Variants in CDC25C observed in about 807,000 individuals in gnomAD.
CDC25C encodes M-phase inducer phosphatase 3.
Under a neutral mutation model 52.5 loss-of-function variants are expected in CDC25C, and 48 were observed. The observed-to-expected ratio is 0.91, with a 90% CI of 0.72 to 1.16. The LOEUF (loss-of-function observed/expected upper bound fraction) is 1.16. Among genes scored for constraint, CDC25C ranks in the 50% most tolerant of loss-of-function variants. CDC25C has a pLI of 0.00. For missense variants in CDC25C, 510 were observed against 566.1 expected (o/e 0.90, Z 1.01); for synonymous variants, 187 against 206.5 (o/e 0.91, Z 0.81).
intron 8 of CDC25C, 61 bp downstream of exon 8, chr5:138,291,909 C>T (rs1756751887): frequency 1.4e-6 from 2 of 1,423,604 alleles, no homozygotes; most frequent in Non-Finnish European, 9.6e-7. Flanking sequence ...AATCCTCATA[C>T]CAGAAAAGCA....
chr5:138,311,065 A>C (rs1007983062), intron 7 of CDC25C, among the ~76,000 whole-genome samples: 1 of 152,228 alleles, frequency 6.6e-6, no homozygotes, highest in Non-Finnish European at 1.5e-5. Context: ...AAGGGTGCCA[A>C]GACCATTCAA....
At chr5:138,328,396 T>C (rs1760065220) in intron 4 of CDC25C, 88 bp downstream of exon 4, 4 of 1,231,820 alleles carry the variant, frequency 3.2e-6, no homozygotes, top group Non-Finnish European at 4.8e-6. Context: ...TGAAAGGTTT[T>C]GTACTCTGCA....
At chr5:138,291,886 G>T in intron 8 of CDC25C, 84 bp downstream of exon 8, 2 of 1,080,608 alleles carry the variant, frequency 1.9e-6, no homozygotes, top group Non-Finnish European at 1.3e-6. Context: ...AGACAAAAAA[G>T]GCATAATAAA....
chr5:138,320,847 T>C (rs1175464605), intron 6 of CDC25C, among the ~76,000 whole-genome samples: 2 of 129,230 alleles, frequency 1.5e-5, no homozygotes, highest in African/African-American at 6.1e-5. Context: ...ACCTGGGAGA[T>C]AAAGGTTGCA....
intron 12 of CDC25C, 152 bp downstream of exon 12, chr5:138,286,345 G>A: frequency 1.1e-6 from 1 of 950,212 alleles, no homozygotes. Context: ...TTCCTTTATT[G>A]TTTCAAACTT....
chr5:138,313,089 G>A (rs983937412), intron 7 of CDC25C, among the ~76,000 whole-genome samples: 2 of 151,876 alleles, frequency 1.3e-5, no homozygotes, highest in Admixed American at 1.3e-4. Context: ...CAGCATTTCT[G>A]CTTGGGGGCC....
intron 6 of CDC25C, among the ~76,000 whole-genome samples, chr5:138,323,375 G>A (rs564401987): frequency 6.6e-6 from 1 of 152,236 alleles, no homozygotes; most frequent in East Asian, 1.9e-4. Flanking sequence ...ATAACTCACT[G>A]GAGCCTCAGG....
At chr5:138,285,900 G>A in intron 13 of CDC25C, 59 bp from the exon 14 acceptor site, 1 of 1,580,126 alleles carries the variant, frequency 6.3e-7, no homozygotes, top group Non-Finnish European at 8.7e-7. Flanking sequence ...ACCTATGAAG[G>A]ATAATAGAGA....
intron 6 of CDC25C, 61 bp from the exon 7 acceptor site, chr5:138,319,435 G>C (rs1759172443): frequency 7.9e-7 from 1 of 1,269,904 alleles, no homozygotes; most frequent in African/African-American, 1.5e-5. Context: ...CTAAATGTAA[G>C]AGCTAAAACT....
intron 4 of CDC25C, among the ~76,000 whole-genome samples, 164 bp downstream of exon 4, chr5:138,328,320 G>C (rs1314908900): frequency 6.6e-6 from 1 of 152,192 alleles, no homozygotes; most frequent in Non-Finnish European, 1.5e-5. Context: ...ACACTATTTA[G>C]ATGTGGAAAA....
intron 7 of CDC25C, among the ~76,000 whole-genome samples, chr5:138,309,638 A>T (rs1036163032): frequency 6.6e-6 from 1 of 151,908 alleles, no homozygotes; most frequent in Admixed American, 6.6e-5. Flanking sequence ...AACTGCAATC[A>T]TCATCTATTA....
rs192132454 is a variant in CDC25C at position 138,299,068 on chromosome 5, C to T, written c.616-6952G>A. On this transcript the variant is annotated intron_variant, in intron 7 of 13. Coordinates refer to ENST00000323760, the MANE Select transcript of CDC25C (RefSeq NM_001790.5). ...ATTAGCTGGGTGTGGTGGCGGGTGCCTGTAGTCCCAGCTACTCGGGAGGCT... is the reference window on the plus strand; with the variant it reads ...ATTAGCTGGGTGTGGTGGCGGGTGCTTGTAGTCCCAGCTACTCGGGAGGCT... Among the ~76,000 whole-genome samples the T allele has an allele frequency of 1.1e-3, 165 of 150,888 alleles. 3 individuals carry two copies. Among genetic ancestry groups the T allele is most frequent in the African/African-American group, 3.8e-3 (155 of 41,026 alleles).
chr5:138,286,630 C>CCTTAA lies in CDC25C; in HGVS notation c.1027-1_1027insTTAAG (p.Gly343LeufsTer5). On this transcript the variant is annotated frameshift_variant and splice_region_variant. Coordinates refer to ENST00000323760, the MANE Select transcript of CDC25C (RefSeq NM_001790.5). LOFTEE classifies it high-confidence loss of function. Reference sequence around the variant, plus strand: ...TCCTGACTATATAAGTTTAAGGCTCCCTGTAGAAGAAGAATTTTAGTAAGT... The same window carrying CCTTAA: ...TCCTGACTATATAAGTTTAAGGCTCCCTTAACTGTAGAAGAAGAATTTTAGTAAGT... 6.2e-7 allele frequency: 1 copy of CCTTAA among 1,606,768 alleles called. No individual in the cohort carries two copies. Among genetic ancestry groups the CCTTAA allele is most frequent in the Non-Finnish European group, 8.5e-7 (1 of 1,176,526 alleles).
Position 138,319,309 on chromosome 5 carries a change from T to A in CDC25C, c.525A>T (p.Lys175Asn), listed in dbSNP as rs1277004073. The A allele has an allele frequency of 1.2e-6, 2 of 1,613,378 alleles. No homozygotes were observed. Among genetic ancestry groups the A allele is most frequent in the Non-Finnish European group, 1.7e-6 (2 of 1,179,354 alleles). ...YLGSPITTVP[K>N]LDKNPNLGED... is the part of the protein sequence containing the mutation. ...CTCCTAGGTTTGGATTTTTATCCAA[T>A]TTTGGAACAGTAGTAATGGGACTGC... is the stretch of plus-strand genomic sequence containing the variant. The change falls in exon 7 of 14, where the codon AAA (lysine) becomes AAT (asparagine). Residue 175 changes from lysine (K) to asparagine (N), a missense_variant. Lys to Asn is a moderately conservative substitution (Grantham distance 94, BLOSUM62 0). Transcript: ENST00000323760.
Position 138,285,537 on chromosome 5 carries a change from A to C in CDC25C, c.*155T>G. ...CAGCTTTCAGCTCTGCTGAAACCTA[A>C]TCCATTCCCAGGCCTGGATACAAGT... On this transcript the variant is annotated 3_prime_UTR_variant, in exon 14 of 14. Coordinates refer to ENST00000323760, the MANE Select transcript of CDC25C (RefSeq NM_001790.5). The C allele has an allele frequency of 2.7e-6, 2 of 731,152 alleles. No homozygotes were observed. Among genetic ancestry groups the C allele is most frequent in the Non-Finnish European group, 4.6e-6 (2 of 432,022 alleles). The allele number at this position is 731,152 out of a possible 1,614,324, so 45.3% of individuals were successfully genotyped here.
intron 10 of CDC25C, among the ~76,000 whole-genome samples, chr5:138,289,218 C>T (rs557379743): frequency 3.9e-5 from 6 of 152,258 alleles, no homozygotes; most frequent in African/African-American, 1.4e-4. Context: ...TGAGATCTGC[C>T]TGCCTCAGCC....
chr5:138,301,511 C>T (rs1354364744), intron 7 of CDC25C, among the ~76,000 whole-genome samples: 1 of 151,126 alleles, frequency 6.6e-6, no homozygotes, highest in Admixed American at 6.6e-5. Flanking sequence ...TCGTGCCAAA[C>T]ATCTAAAAGA....
intron 1 of CDC25C, 143 bp from the exon 2 acceptor site, chr5:138,331,361 C>T: frequency 1.4e-6 from 1 of 708,176 alleles, no homozygotes; most frequent in South Asian, 1.9e-5. Flanking sequence ...AAGGTTAGAA[C>T]CTGAATTCAC....
At chr5:138,328,450 T>C in intron 4 of CDC25C, 34 bp downstream of exon 4, 2 of 1,607,000 alleles carry the variant, frequency 1.2e-6, no homozygotes. Context: ...GCTAAAAGGC[T>C]TTTGTGTGGG....
Sources: gnomAD v4.1 joint callset for allele counts (sites outside exome capture counted in the v4.1 genomes callset) on GRCh38, gnomAD v4.1.1 for gene constraint, MANE v1.5 for transcripts, NCBI Gene and HGNC (gene_info 2026-07-23, HGNC 2026-07-21) for gene names.